The following DCHS2 variants were observed in gnomAD, a reference collection of about 807,000 sequenced individuals.
DCHS2 encodes the protein protocadherin-23.
A neutral mutation model predicts 182.4 loss-of-function variants in DCHS2; 142 were observed. That is an observed-to-expected ratio of 0.78 (90% CI 0.68 to 0.89). The LOEUF is 0.89. Among genes scored for constraint, DCHS2 ranks in the 40% least tolerant of loss-of-function variants. The pLI, the probability that DCHS2 is intolerant of heterozygous loss-of-function variation, is 0.00. For synonymous variants in DCHS2, 1,740 were observed against 1,663.3 expected, an observed-to-expected ratio of 1.05 and a Z score of -1.12; for missense variants, 4,319 against 4,198.6, an observed-to-expected ratio of 1.03 and a Z score of -0.79.
intron 10 of DCHS2, among the ~76,000 whole-genome samples, chr4:154,307,167 G>T (rs1450968604): frequency 6.6e-6 from 1 of 152,082 alleles, no homozygotes; most frequent in Admixed American, 6.5e-5. Context: ...CTAGTGCCTT[G>T]CACCTTACAC....
At chr4:154,338,655 T>C (rs1728925443) in intron 3 of DCHS2, among the ~76,000 whole-genome samples, 1 of 152,206 alleles carries the variant, frequency 6.6e-6, no homozygotes, top group African/African-American at 2.4e-5. Context: ...AGGATGTCAT[T>C]TGGAACACTG....
chr4:154,304,416 T>C (rs1735351265), intron 12 of DCHS2, among the ~76,000 whole-genome samples: 2 of 152,072 alleles, frequency 1.3e-5, no homozygotes, highest in Admixed American at 1.3e-4. Flanking sequence ...TGGGTGTGTA[T>C]TTTGTAGAGA....
intron 1 of DCHS2, among the ~76,000 whole-genome samples, chr4:154,467,208 T>C (rs1363272985): frequency 6.6e-6 from 1 of 152,214 alleles, no homozygotes. Context: ...AGTATATTGG[T>C]ATAGAATAGA....
At chr4:154,394,043 C>T (rs1361222502) in intron 1 of DCHS2, among the ~76,000 whole-genome samples, 4 of 152,078 alleles carry the variant, frequency 2.6e-5, no homozygotes, top group Non-Finnish European at 5.9e-5. Context: ...TTTTACACAT[C>T]CATTGGATAG....
At chr4:154,323,960 C>T (rs1259527598) in intron 7 of DCHS2, among the ~76,000 whole-genome samples, 1 of 151,904 alleles carries the variant, frequency 6.6e-6, no homozygotes, top group Non-Finnish European at 1.5e-5. Context: ...TCTGGTTTAT[C>T]ATCCCTTTTT....
intron 6 of DCHS2, among the ~76,000 whole-genome samples, chr4:154,328,923 A>C (rs1478477130): frequency 1.3e-5 from 2 of 152,220 alleles, no homozygotes; most frequent in African/African-American, 4.8e-5. Context: ...ATTATAACCC[A>C]TCCACTAAAA....
chr4:154,243,944 C>G (rs1001187197), intron 16 of DCHS2, among the ~76,000 whole-genome samples: 1 of 152,184 alleles, frequency 6.6e-6, no homozygotes, highest in Admixed American at 6.6e-5. Flanking sequence ...CTCTCCATGT[C>G]TCTAAGAGGT....
Position 154,234,576 on chromosome 4 carries a change from G to A in DCHS2, c.10076C>T (p.Thr3359Ile). ...GELLGTHISG[T>I]CHELKAEDEV... ...ATCTTCTGCTTTAAGTTCATGGCAT[G>A]TACCACTGATGTGTGTTCCTAATAA... The change falls in exon 20 of 20, where the codon ACA (threonine) becomes ATA (isoleucine). Residue 3359 changes from threonine to isoleucine, a missense_variant. By Grantham distance (89) the Thr-to-Ile change is moderately conservative. Transcript: ENST00000357232. 1.9e-6 allele frequency: 3 copies of A among 1,613,656 alleles called. No individual in the cohort carries two copies. Among genetic ancestry groups the A allele is most frequent in the Non-Finnish European group, 2.5e-6 (3 of 1,179,776 alleles).
intron 1 of DCHS2, among the ~76,000 whole-genome samples, chr4:154,394,299 TG>T (rs1560732255): frequency 6.6e-6 from 1 of 152,164 alleles, no homozygotes; most frequent in Admixed American, 6.5e-5. Context: ...AGAATTGAAA[TG>T]TCAAGGTCAG....
At chr4:154,281,644 T>C (rs1357751930) in intron 13 of DCHS2, among the ~76,000 whole-genome samples, 3 of 152,174 alleles carry the variant, frequency 2.0e-5, no homozygotes, top group Non-Finnish European at 2.9e-5. Flanking sequence ...CTACCAAATC[T>C]TCAATGTCAT....
Position 154,266,453 on chromosome 4 carries a change from G to A in DCHS2, c.6577+3447C>T, listed in dbSNP as rs953857268. Among the ~76,000 whole-genome samples, 3 of 151,994 alleles carry A rather than the reference G, an allele frequency of 2.0e-5. 1 individual carries two copies. The highest frequency in any genetic ancestry group is 6.6e-5 in the Admixed American group (1 of 15,236). ...GGGTGGATCACGAGGACAGGAGATC[G>A]AGACCATCCTGGCTAACACAGTGAA... On this transcript the variant is annotated intron_variant, in intron 14 of 19. Coordinates refer to ENST00000357232, the MANE Select transcript of DCHS2 (RefSeq NM_001358235.2).
At position 154,373,748 on chromosome 4, in the gene DCHS2, AT is replaced by A. The variant is rs1730751487; in HGVS notation, c.2244+3504del. On this transcript the variant is annotated intron_variant, in intron 2 of 19. Transcript: ENST00000357232. ...CACACAGCTCCCTGTCTGGATCTCC[AT>A]TCAGCCTCATACCTGCAAGACGGGC... 4.8e-5 allele frequency: 27 copies of A among 560,624 alleles called. No homozygotes were observed. In the East Asian group the frequency reaches 8.4e-4, roughly 17 times the overall value. 34.7% of individuals were successfully genotyped at this position (560,624 alleles called of 1,614,324 possible).
At chr4:154,427,252 T>C (rs1358230332) in intron 1 of DCHS2, among the ~76,000 whole-genome samples, 1 of 149,102 alleles carries the variant, frequency 6.7e-6, no homozygotes, top group Non-Finnish European at 1.5e-5. Context: ...GCTTTAAGGT[T>C]TCTCTGTACA....
intron 3 of DCHS2, among the ~76,000 whole-genome samples, chr4:154,336,731 C>G (rs926949773): frequency 9.9e-5 from 15 of 152,114 alleles, no homozygotes; most frequent in African/African-American, 3.4e-4. Flanking sequence ...CCTTTTTTCC[C>G]CAGCTTTATT....
intron 1 of DCHS2, among the ~76,000 whole-genome samples, chr4:154,408,403 C>A (rs1047801613): frequency 1.3e-5 from 2 of 152,156 alleles, no homozygotes; most frequent in African/African-American, 4.8e-5. Context: ...CATAGGAGAT[C>A]AATCTATAAT....
chr4:154,423,985 G>A (rs925894231), intron 1 of DCHS2, among the ~76,000 whole-genome samples: 1 of 152,142 alleles, frequency 6.6e-6, no homozygotes, highest in Non-Finnish European at 1.5e-5. Context: ...AAGCCTGCTG[G>A]CATTTTAGAA....
chr4:154,447,883 CAT>C (rs1734368172), intron 1 of DCHS2, among the ~76,000 whole-genome samples: 1 of 152,164 alleles, frequency 6.6e-6, no homozygotes, highest in Admixed American at 6.5e-5. Context: ...GATCATAAAA[CAT>C]ATCCCTTAAA....
intron 14 of DCHS2, among the ~76,000 whole-genome samples, chr4:154,269,691 C>T (rs926023387): frequency 7.2e-5 from 11 of 152,068 alleles, no homozygotes; most frequent in Admixed American, 6.6e-4. Context: ...TAGACACTGT[C>T]TAGTTTGGAA....
chr4:154,330,952 A>G (rs1449787175), intron 5 of DCHS2, among the ~76,000 whole-genome samples: 1 of 152,076 alleles, frequency 6.6e-6, no homozygotes, highest in East Asian at 1.9e-4. Flanking sequence ...GCAGCCTTGG[A>G]GGTCGGGGAT....
Sources: allele counts gnomAD v4.1 joint callset (sites outside exome capture counted in the v4.1 genomes callset), GRCh38; gene constraint gnomAD v4.1.1; transcripts MANE v1.5; gene names NCBI Gene and HGNC (gene_info 2026-07-23, HGNC 2026-07-21).